TNIK: variants seen among roughly 807,000 people sequenced by gnomAD.
TNIK encodes TRAF2 and NCK interacting kinase.
A neutral mutation model predicts 191.3 loss-of-function variants in TNIK; 49 were observed. The ratio of observed to expected loss-of-function variants is 0.26; its 90% CI spans 0.20 to 0.32. The LOEUF is 0.32. Ranked by LOEUF, TNIK falls within the 10% of genes least tolerant of loss-of-function variation. The pLI is 1.00. For missense variants in TNIK, 1,155 were observed against 1,702.3 expected (o/e 0.68, Z 5.66); for synonymous variants, 594 against 600.9 (o/e 0.99, Z 0.17).
intron 2 of TNIK, among the ~76,000 whole-genome samples, chr3:171,235,233 G>A (rs916384806): frequency 6.6e-6 from 1 of 152,076 alleles, no homozygotes; most frequent in Non-Finnish European, 1.5e-5. Flanking sequence ...GTAGAGCCAG[G>A]GTTTCGCCAT....
intron 2 of TNIK, among the ~76,000 whole-genome samples, chr3:171,263,128 A>T (rs1044925614): frequency 6.6e-6 from 1 of 152,222 alleles, no homozygotes; most frequent in Non-Finnish European, 1.5e-5. Context: ...AGCCTTAAAA[A>T]CAAGCAAGTT....
chr3:171,115,908 C>T (rs1216421800), intron 18 of TNIK, among the ~76,000 whole-genome samples: 2 of 152,206 alleles, frequency 1.3e-5, no homozygotes, highest in Non-Finnish European at 2.9e-5. Context: ...GATGAGCCTA[C>T]ATCCTGACTG....
chr3:171,325,841 G>A (rs1049387363), intron 2 of TNIK, among the ~76,000 whole-genome samples: 1 of 152,214 alleles, frequency 6.6e-6, no homozygotes, highest in Non-Finnish European at 1.5e-5. Flanking sequence ...GTACTCGGGG[G>A]AACCTGCTTC....
intron 7 of TNIK, among the ~76,000 whole-genome samples, chr3:171,186,091 G>A (rs1363304454): frequency 1.3e-5 from 2 of 152,166 alleles, no homozygotes; most frequent in Admixed American, 6.5e-5. Flanking sequence ...TACAGATACA[G>A]CTTGACTAAC....
chr3:171,430,647 C>CCA lies in TNIK; in HGVS notation c.57+29359_57+29360insTG, dbSNP rs545257088. On this transcript the variant is annotated intron_variant, in intron 1 of 32. Coordinates refer to ENST00000436636, the MANE Select transcript of TNIK (RefSeq NM_015028.4). ...GTGACACCTTGTCTCAAAAAACAGA[C>CCA]AAAAAAAAAAAAAAAGAAATGAAAT... is the stretch of plus-strand genomic sequence containing the variant. Among the ~76,000 whole-genome samples, 145 of 113,972 alleles carry CCA rather than the reference C, an allele frequency of 1.3e-3. 1 individual carries two copies. The highest frequency in any genetic ancestry group is 2.1e-3 in the Non-Finnish European group (119 of 56,562). 74.8% of individuals were successfully genotyped at this position (113,972 alleles called of 152,430 possible). A position where few individuals can be genotyped will look rare whatever the true frequency, so the allele number is the denominator to read the frequency against.
chr3:171,176,820 C>T (rs1251879740), intron 8 of TNIK, among the ~76,000 whole-genome samples: 1 of 152,228 alleles, frequency 6.6e-6, no homozygotes, highest in South Asian at 2.1e-4. Context: ...TACTCCAAAT[C>T]TCAAGGAACT....
chr3:171,100,417 A>G (rs2839780), intron 22 of TNIK, among the ~76,000 whole-genome samples: 11,891 of 152,176 alleles, frequency 0.078, 1,520 homozygotes, highest in African/African-American at 0.27. Flanking sequence ...TTAATCAGTG[A>G]ATGACATTCC....
chr3:171,156,029 C>A (rs2108705649), intron 12 of TNIK, among the ~76,000 whole-genome samples: 1 of 152,256 alleles, frequency 6.6e-6, no homozygotes, highest in African/African-American at 2.4e-5. Flanking sequence ...AAACACAGTA[C>A]CCTGCAACAT....
chr3:171,374,889 G>T (rs1559991234), intron 1 of TNIK, among the ~76,000 whole-genome samples: 1 of 152,130 alleles, frequency 6.6e-6, no homozygotes, highest in Admixed American at 6.5e-5. Context: ...CATTATCTTT[G>T]TTTTACAGAT....
intron 2 of TNIK, among the ~76,000 whole-genome samples, chr3:171,282,693 A>G (rs1259189852): frequency 6.6e-6 from 1 of 152,222 alleles, no homozygotes; most frequent in African/African-American, 2.4e-5. Context: ...AAACTGAAAA[A>G]GATAAATCGA....
chr3:171,248,299 G>A (rs545219031), intron 2 of TNIK, among the ~76,000 whole-genome samples: 1 of 152,294 alleles, frequency 6.6e-6, no homozygotes, highest in South Asian at 2.1e-4. Context: ...ACTATTCCAG[G>A]GAAAACAGGA....
chr3:171,328,484 C>G (rs1180298303), intron 2 of TNIK, among the ~76,000 whole-genome samples: 1 of 152,196 alleles, frequency 6.6e-6, no homozygotes, highest in Non-Finnish European at 1.5e-5. Flanking sequence ...TCTGCAGACA[C>G]ACAGTTTAGG....
chr3:171,066,072 T>G, intron 32 of TNIK, 115 bp downstream of exon 32: 1 of 1,340,324 alleles, frequency 7.5e-7, no homozygotes, highest in Non-Finnish European at 1.0e-6. Context: ...CAAGATAATA[T>G]TGATTGTTTA....
chr3:171,342,377 A>C (rs1757624842), intron 2 of TNIK, among the ~76,000 whole-genome samples: 1 of 152,234 alleles, frequency 6.6e-6, no homozygotes, highest in African/African-American at 2.4e-5. Context: ...GTGGCTCAAC[A>C]GAGTTTTGTT....
At chr3:171,304,393 C>T (rs1264532629) in intron 2 of TNIK, among the ~76,000 whole-genome samples, 1 of 152,090 alleles carries the variant, frequency 6.6e-6, no homozygotes, top group Non-Finnish European at 1.5e-5. Flanking sequence ...GAAATAGGAA[C>T]ACTTTTACAC....
At chr3:171,259,390 T>C (rs988171990) in intron 2 of TNIK, among the ~76,000 whole-genome samples, 3 of 152,176 alleles carry the variant, frequency 2.0e-5, no homozygotes, top group East Asian at 1.9e-4. Context: ...CTATTGGCAA[T>C]TGATAACTAT....
In TNIK at chr3:171,066,740, A is replaced by G; in HGVS notation, c.3700-5T>C. The G allele has an allele frequency of 6.2e-7, 1 of 1,612,356 alleles. No homozygotes were observed. The highest frequency in any genetic ancestry group is 8.5e-7 in the Non-Finnish European group (1 of 1,179,012). ...AGGAGTGATATTGCCCTGAATCTAG[A>G]AGACAAAGAAAAGCCAAGCATTATT... On this transcript the variant is annotated splice_region_variant and splice_polypyrimidine_tract_variant and intron_variant, in intron 30 of 32. Coordinates refer to ENST00000436636, the MANE Select transcript of TNIK (RefSeq NM_015028.4).
At chr3:171,103,722 A>G (rs1724001978) in intron 21 of TNIK, among the ~76,000 whole-genome samples, 1 of 152,124 alleles carries the variant, frequency 6.6e-6, no homozygotes, top group Non-Finnish European at 1.5e-5. Flanking sequence ...AATATGGTTT[A>G]AAAGAGTTTA....
chr3:171,459,700 A>ACACACACACACACACG (rs1012502406), intron 1 of TNIK, among the ~76,000 whole-genome samples: 5 of 151,682 alleles, frequency 3.3e-5, no homozygotes, highest in African/African-American at 1.2e-4. Context: ...ACACACACAC[A>ACACACACACACACACG]CACGCACACA....
Sources: gnomAD v4.1 joint callset for allele counts (sites outside exome capture counted in the v4.1 genomes callset) on GRCh38, gnomAD v4.1.1 for gene constraint, MANE v1.5 for transcripts, NCBI Gene and HGNC (gene_info 2026-07-23, HGNC 2026-07-21) for gene names.